Variants in GRIK4 observed in about 807,000 individuals in gnomAD.
The protein encoded by GRIK4 is glutamate receptor ionotropic, kainate 4.
Under a neutral mutation model 104.9 loss-of-function variants are expected in GRIK4, and 40 were observed. The ratio of observed to expected loss-of-function variants is 0.38; its 90% CI spans 0.30 to 0.50. The LOEUF is 0.50. Among genes scored for constraint, GRIK4 ranks in the 20% least tolerant of loss-of-function variants. The pLI, the probability that GRIK4 is intolerant of heterozygous loss-of-function variation, is 0.93. For synonymous variants in GRIK4, 485 were observed against 524.9 expected (o/e 0.92, Z 1.04); for missense variants, 1,047 against 1,308.1 (o/e 0.80, Z 3.08).
chr11:120,650,924 A>G (rs1949609999), intron 1 of GRIK4, among the ~76,000 whole-genome samples: 1 of 152,174 alleles, frequency 6.6e-6, no homozygotes, highest in Non-Finnish European at 1.5e-5. Context: ...TACAAATGTC[A>G]TTTCCCACCT....
At position 120,524,487 on chromosome 11, in the gene GRIK4, C is replaced by T. The variant is rs537623185; in HGVS notation, c.-159+12600C>T. 2.0e-5 allele frequency among the ~76,000 whole-genome samples: 3 copies of T among 152,244 alleles called. No homozygotes were observed. The highest frequency in any genetic ancestry group is 2.1e-4 in the South Asian group (1 of 4,814). On this transcript the variant is annotated intron_variant, in intron 1 of 20. Coordinates refer to ENST00000527524, the MANE Select transcript of GRIK4 (RefSeq NM_014619.5). This position sits in a 1 kb window ranked among gnomAD's most constrained non-coding sequence, Gnocchi z 4.5. ...GACTGGTTTCTCAGGTTAGTGTAGC[C>T]GGCGATGGAGCTGAACCAGTACAAA... is the stretch of plus-strand genomic sequence containing the variant.
chr11:120,794,003 A>G (rs1198829701), intron 3 of GRIK4, among the ~76,000 whole-genome samples: 1,518 of 69,810 alleles, frequency 0.022, no homozygotes, highest in African/African-American at 0.026. Context: ...TAGAGGTGAG[A>G]GGAGTTGTTA....
chr11:120,512,494 A>C (rs1168355598), intron 1 of GRIK4, among the ~76,000 whole-genome samples: 3 of 150,100 alleles, frequency 2.0e-5, no homozygotes, highest in African/African-American at 7.3e-5. Context: ...CACCCTGCAC[A>C]CCGCCTTGCT....
In GRIK4 at chr11:120,957,591, A is replaced by ATTGTGTGTGTGTGTG. The variant is rs553062830; in HGVS notation, c.1874+639_1874+640insTGTGTGTGTGTGTGT. The stretch of plus-strand genomic sequence containing the variant: ...TGGGGGCAAAGGAAAGACAAAACAA[A>ATTGTGTGTGTGTGTG]TGTGTGTGTGTGTGTGTGTGTGTGT... On this transcript the variant is annotated intron_variant, in intron 16 of 20. Coordinates refer to ENST00000527524, the MANE Select transcript of GRIK4 (RefSeq NM_014619.5). 1.0e-3 allele frequency among the ~76,000 whole-genome samples: 136 copies of ATTGTGTGTGTGTGTG among 136,530 alleles called. 2 individuals are homozygous for ATTGTGTGTGTGTGTG. Among genetic ancestry groups the ATTGTGTGTGTGTGTG allele is most frequent in the South Asian group, 2.5e-3 (10 of 4,056 alleles). The allele number at this position is 136,530 out of a possible 152,430, so 89.6% of individuals were successfully genotyped here. A position where few individuals can be genotyped will look rare whatever the true frequency, so the allele number is the denominator to read the frequency against.
chr11:120,626,534 A>G (rs1949261725), intron 1 of GRIK4, among the ~76,000 whole-genome samples: 2 of 152,100 alleles, frequency 1.3e-5, no homozygotes, highest in South Asian at 2.1e-4. Context: ...TCTAGGACCC[A>G]GGATCTTTTG....
intron 13 of GRIK4, among the ~76,000 whole-genome samples, chr11:120,910,474 T>C (rs913413652): frequency 6.6e-6 from 1 of 152,168 alleles, no homozygotes; most frequent in Non-Finnish European, 1.5e-5. Context: ...TTCGAGAGGC[T>C]CTCAGGTTTG....
rs144160591 is a variant in GRIK4, at chr11:120,865,561, G to C, written c.906+3441G>C. 2.7e-3 allele frequency among the ~76,000 whole-genome samples: 408 copies of C among 152,320 alleles called. 1 individual carries two copies. The highest frequency in any genetic ancestry group is 7.7e-3 in the African/African-American group (321 of 41,576). ...AGCCCAGCATATTCTTATGGTGATG[G>C]CAGAAGGGCAGCAAAGCAAGTGGAA... On this transcript the variant is annotated intron_variant, in intron 9 of 20. Coordinates refer to ENST00000527524, the MANE Select transcript of GRIK4 (RefSeq NM_014619.5).
At chr11:120,560,184 G>T (rs1165468004) in intron 1 of GRIK4, among the ~76,000 whole-genome samples, 1 of 152,092 alleles carries the variant, frequency 6.6e-6, no homozygotes. Flanking sequence ...AAGTAGCTGG[G>T]ATTGTAGGTG....
chr11:120,570,609 C>A (rs1948386559), intron 1 of GRIK4, among the ~76,000 whole-genome samples: 1 of 152,080 alleles, frequency 6.6e-6, no homozygotes, highest in Non-Finnish European at 1.5e-5. Flanking sequence ...GGTGCACCAT[C>A]ACACCTGGCT....
At position 120,802,467 on chromosome 11, in the gene GRIK4, G is replaced by A. The variant is rs117557383; in HGVS notation, c.83-226G>A. On this transcript the variant is annotated intron_variant, in intron 3 of 20. Coordinates refer to ENST00000527524, the MANE Select transcript of GRIK4 (RefSeq NM_014619.5). ...CCTGCTCTGGTATTACAGGATTCCC[G>A]AGGCGTGCATCCACATTAGAATTCA... Among the ~76,000 whole-genome samples the A allele has an allele frequency of 3.2e-3, 489 of 152,290 alleles. 1 individual carries two copies. Among genetic ancestry groups the A allele is most frequent in the Admixed American group, 6.1e-3 (94 of 15,302 alleles).
chr11:120,570,410 A>G (rs1948382501), intron 1 of GRIK4, among the ~76,000 whole-genome samples: 1 of 151,928 alleles, frequency 6.6e-6, no homozygotes, highest in Non-Finnish European at 1.5e-5. Flanking sequence ...ATATGTGTGC[A>G]TTGCTATATT....
At chr11:120,963,983 ATTTATTTATTTATT>A (rs1205480711) in intron 18 of GRIK4, among the ~76,000 whole-genome samples, 10 of 10,520 alleles carry the variant, frequency 9.5e-4, no homozygotes, top group African/African-American at 4.1e-3. Context: ...TTATTTATTT[ATTTATTTATTTATT>A]TTTATTTATT....
rs77601018 is a variant in GRIK4 at position 120,626,821 on chromosome 11, A to G, written c.-158-26864A>G. On this transcript the variant is annotated intron_variant, in intron 1 of 20. Coordinates refer to ENST00000527524, the MANE Select transcript of GRIK4 (RefSeq NM_014619.5). ...GATCAGGGCTCGTCAGGAGGATGGC[A>G]TACTCACATATCAAGGGCTTTGTAG... 2.2e-4 allele frequency among the ~76,000 whole-genome samples: 34 copies of G among 152,348 alleles called. No individual in the cohort carries two copies. The East Asian group carries it at 6.2e-3, about 28-fold the overall frequency.
At chr11:120,959,040 A>T (rs1331565935) in intron 16 of GRIK4, among the ~76,000 whole-genome samples, 2 of 152,090 alleles carry the variant, frequency 1.3e-5, no homozygotes, top group African/African-American at 4.8e-5. Flanking sequence ...TTTTCATCCC[A>T]TATTCAGTCT....
intron 1 of GRIK4, among the ~76,000 whole-genome samples, chr11:120,580,067 A>G (rs1948549812): frequency 6.6e-6 from 1 of 151,988 alleles, no homozygotes; most frequent in Non-Finnish European, 1.5e-5. Context: ...ATTCCTTTTT[A>G]TTGCTGGATA....
intron 3 of GRIK4, among the ~76,000 whole-genome samples, chr11:120,707,027 G>A (rs545004552): frequency 2.6e-5 from 4 of 152,190 alleles, no homozygotes; most frequent in Non-Finnish European, 5.9e-5. Context: ...CAGCACCTCA[G>A]AGCTCCTGGG....
chr11:120,792,122 G>A (rs1005360985), intron 3 of GRIK4, among the ~76,000 whole-genome samples: 9 of 152,152 alleles, frequency 5.9e-5, no homozygotes, highest in Non-Finnish European at 1.2e-4. Context: ...CAGCCTCTGC[G>A]TTCAGGGAAG....
intron 3 of GRIK4, among the ~76,000 whole-genome samples, chr11:120,685,225 G>A (rs1049110583): frequency 5.3e-5 from 8 of 152,172 alleles, no homozygotes; most frequent in Non-Finnish European, 1.2e-4. Context: ...GTTCATTGTC[G>A]TTAAAAATAT....
At chr11:120,606,842 T>C (rs1004194474) in intron 1 of GRIK4, among the ~76,000 whole-genome samples, 3 of 152,202 alleles carry the variant, frequency 2.0e-5, no homozygotes, top group Non-Finnish European at 2.9e-5. Flanking sequence ...ATAAGGGCGT[T>C]CCAGTCAGGG....
Sources: allele counts gnomAD v4.1 joint callset (sites outside exome capture counted in the v4.1 genomes callset), GRCh38; gene constraint gnomAD v4.1.1; non-coding constraint Gnocchi (gnomAD v3.1); transcripts MANE v1.5; gene names NCBI Gene and HGNC (gene_info 2026-07-23, HGNC 2026-07-21).